The following BICRA variants were observed in gnomAD, a reference collection of about 807,000 sequenced individuals.
BICRA encodes the protein BRD4 interacting chromatin remodeling complex associated protein.
Under a neutral mutation model 96.9 loss-of-function variants are expected in BICRA, and 31 were observed. The ratio of observed to expected loss-of-function variants is 0.32; its 90% CI spans 0.24 to 0.43. BICRA has a LOEUF of 0.43. Among genes scored for constraint, BICRA ranks in the 20% least tolerant of loss-of-function variants. The pLI is 1.00. For missense variants in BICRA, 2,283 were observed against 2,190.3 expected, an observed-to-expected ratio of 1.04 and a Z score of -0.84; for synonymous variants, 1,350 against 1,071.8, an observed-to-expected ratio of 1.26 and a Z score of -5.07.
intron 1 of BICRA, among the ~76,000 whole-genome samples, chr19:47,650,850 GCACCACACATCCTGA>G (rs1260495829): frequency 6.6e-6 from 1 of 152,154 alleles, no homozygotes; most frequent in Non-Finnish European, 1.5e-5. Context: ...GGGCTTGTGT[GCACCACACATCCTGA>G]CACCATCCGC....
In BICRA at chr19:47,624,195, G is replaced by T. The variant is rs974909225; in HGVS notation, c.-108+15027G>T. 3.9e-5 allele frequency among the ~76,000 whole-genome samples: 6 copies of T among 152,120 alleles called. No individual in the cohort carries two copies. In the South Asian group the frequency reaches 8.3e-4, roughly 21 times the overall value. The stretch of plus-strand genomic sequence containing the variant: ...CCTCAGGTAAAACCTCTTCAGCTCC[G>T]TACAAAGTCTTTCTGATCTGGCCTG... On this transcript the variant is annotated intron_variant, in intron 1 of 14. Transcript: ENST00000594866.
chr19:47,655,134 GCTTT>G (rs1972595273), intron 1 of BICRA, among the ~76,000 whole-genome samples: 2 of 152,088 alleles, frequency 1.3e-5, no homozygotes, highest in Non-Finnish European at 1.5e-5. Flanking sequence ...GCCACACCCT[GCTTT>G]CTTATTCTCT....
At chr19:47,650,496 AT>A (rs1352906613) in intron 1 of BICRA, among the ~76,000 whole-genome samples, 1 of 152,084 alleles carries the variant, frequency 6.6e-6, no homozygotes, top group African/African-American at 2.4e-5. Context: ...ACCTCAAGTG[AT>A]TCTCCCACCT....
chr19:47,672,577 G>GTGGATGGATGGATGGA (rs57088975), intron 2 of BICRA, among the ~76,000 whole-genome samples: 208 of 150,190 alleles, frequency 1.4e-3, no homozygotes, highest in African/African-American at 4.8e-3. Flanking sequence ...AGATAAAGAA[G>GTGGATGGATGGATGGA]TGGATGGATG....
At chr19:47,666,661 T>C (rs1340022505) in intron 1 of BICRA, among the ~76,000 whole-genome samples, 3 of 152,072 alleles carry the variant, frequency 2.0e-5, no homozygotes, top group Non-Finnish European at 4.4e-5. Context: ...AGCCTTGGCC[T>C]CTGTAGCTCA....
Position 47,679,743 on chromosome 19 carries a change from C to A in BICRA, c.573C>A (p.Ala191=), listed in dbSNP as rs1374570051. ...LVPPQDVVNK[A]LSVQPFLQPV... is the part of the protein sequence containing the mutation. ...CGCCCCAGGACGTGGTCAACAAGGC[C>A]CTGAGTGTGCAGCCCTTCCTGCAGC... Residue 191 remains alanine, a synonymous_variant, in exon 6 of 15, where the codon GCC becomes GCA. Coordinates refer to ENST00000594866, the MANE Select transcript of BICRA (RefSeq NM_001394372.1). 2.6e-6 allele frequency: 4 copies of A among 1,535,048 alleles called. No homozygotes were observed. Among genetic ancestry groups the A allele is most frequent in the Non-Finnish European group, 2.6e-6 (3 of 1,141,700 alleles).
At chr19:47,620,309 G>A (rs1188477151) in intron 1 of BICRA, among the ~76,000 whole-genome samples, 1 of 152,114 alleles carries the variant, frequency 6.6e-6, no homozygotes, top group African/African-American at 2.4e-5. Context: ...TGACAGGCAT[G>A]TCCCAGGGAT....
intron 5 of BICRA, 110 bp downstream of exon 5, chr19:47,676,026 A>C: frequency 2.8e-5 from 10 of 357,556 alleles, no homozygotes; most frequent in East Asian, 7.8e-5. Flanking sequence ...GGCTGTTGAC[A>C]GGAGGAGGGC....
At chr19:47,642,891 T>C (rs1234597080) in intron 1 of BICRA, among the ~76,000 whole-genome samples, 1 of 152,242 alleles carries the variant, frequency 6.6e-6, no homozygotes, top group Admixed American at 6.5e-5. Context: ...GGTTGTAGTT[T>C]TAATTTCCCT....
chr19:47,694,954 C>A lies in BICRA; in HGVS notation c.2950C>A (p.Gln984Lys). Reference sequence around the variant, plus strand: ...GGCTGGGGGGGCCCCTGCCGCCCCGCAGACCTCCACCAGCCTGGGGCCCCT... The same window carrying A: ...GGCTGGGGGGGCCCCTGCCGCCCCGAAGACCTCCACCAGCCTGGGGCCCCT... The part of the protein sequence containing the change: ...NKAGGAPAAP[Q>K]TSTSLGPLTS... Residue 984 changes from glutamine to lysine, a missense_variant, in exon 9 of 15, where the codon CAG becomes AAG. Physicochemically the swap from Gln to Lys is moderately conservative, Grantham distance 53. Coordinates refer to ENST00000594866, the MANE Select transcript of BICRA (RefSeq NM_001394372.1). 1 of 1,552,564 alleles carries A rather than the reference C, an allele frequency of 6.4e-7. No individual in the cohort carries two copies.
intron 1 of BICRA, among the ~76,000 whole-genome samples, chr19:47,649,280 C>G (rs973765448): frequency 5.3e-5 from 8 of 152,200 alleles, no homozygotes; most frequent in African/African-American, 1.7e-4. Flanking sequence ...GCCACTGTGC[C>G]TGGCCTGTAT....
intron 1 of BICRA, among the ~76,000 whole-genome samples, chr19:47,661,213 CAAAAAA>C (rs58327756): frequency 2.6e-5 from 2 of 76,490 alleles, no homozygotes; most frequent in African/African-American, 5.9e-5. Flanking sequence ...GACTCCGTCT[CAAAAAA>C]AAAAAAAAAA....
intron 1 of BICRA, among the ~76,000 whole-genome samples, chr19:47,668,070 A>G (rs1972809246): frequency 6.6e-6 from 1 of 152,142 alleles, no homozygotes; most frequent in East Asian, 1.9e-4. Flanking sequence ...CTTTACTAAA[A>G]ATATAAAAAA....
chr19:47,636,938 C>T (rs553644370), intron 1 of BICRA, among the ~76,000 whole-genome samples: 2 of 152,232 alleles, frequency 1.3e-5, no homozygotes, highest in African/African-American at 4.8e-5. Context: ...TGAGTCTTAC[C>T]CCAGGGCCTT....
intron 7 of BICRA, among the ~76,000 whole-genome samples, chr19:47,684,477 C>A (rs1973115291): frequency 6.6e-6 from 1 of 152,234 alleles, no homozygotes; most frequent in African/African-American, 2.4e-5. Flanking sequence ...GCCACCATGC[C>A]TGGCTAATTT....
intron 1 of BICRA, among the ~76,000 whole-genome samples, chr19:47,621,428 C>T (rs1241816501): frequency 6.6e-6 from 1 of 151,574 alleles, no homozygotes; most frequent in East Asian, 1.9e-4. Context: ...AGCATGTCCC[C>T]TTCCATGGTC....
At chr19:47,623,725 G>C (rs1046225247) in intron 1 of BICRA, among the ~76,000 whole-genome samples, 25 of 152,162 alleles carry the variant, frequency 1.6e-4, no homozygotes, top group African/African-American at 5.8e-4. Context: ...TCCTGGAGGA[G>C]GGAGCTTCTA....
At chr19:47,667,119 C>T (rs1318788150) in intron 1 of BICRA, among the ~76,000 whole-genome samples, 8 of 150,086 alleles carry the variant, frequency 5.3e-5, no homozygotes, top group Non-Finnish European at 1.0e-4. Flanking sequence ...CCCGGGTTCA[C>T]GCCATTCTCC....
intron 1 of BICRA, chr19:47,662,454 T>A (rs1472457071): frequency 1.3e-5 from 2 of 150,244 alleles, no homozygotes; most frequent in African/African-American, 5.0e-5. Context: ...GGCGGGCAGA[T>A]CACGAGGTCA....
Sources: allele counts gnomAD v4.1 joint callset (sites outside exome capture counted in the v4.1 genomes callset), GRCh38; gene constraint gnomAD v4.1.1; transcripts MANE v1.5; gene names NCBI Gene and HGNC (gene_info 2026-07-23, HGNC 2026-07-21).